The following SH3RF3 variants were observed in gnomAD, a reference collection of about 807,000 sequenced individuals.
SH3RF3 encodes the protein E3 ubiquitin-protein ligase SH3RF3.
In SH3RF3, 29 loss-of-function variants were observed where a neutral mutation model predicts 66.3. The observed-to-expected ratio is 0.44, with a 90% CI of 0.33 to 0.60. The LOEUF (loss-of-function observed/expected upper bound fraction) is 0.60, where lower values mean the gene tolerates loss of function less well. Among genes scored for constraint, SH3RF3 ranks in the 20% least tolerant of loss-of-function variants. SH3RF3 has a pLI of 0.04. For synonymous variants in SH3RF3, 583 were observed against 532.0 expected (o/e 1.10, Z -1.32); for missense variants, 1,194 against 1,190.9 (o/e 1.00, Z -0.04).
rs1679457682 is a variant in SH3RF3, at chr2:109,503,792, A to T, written c.*2121A>T. On this transcript the variant is annotated 3_prime_UTR_variant, in exon 10 of 10. Transcript: ENST00000309415. ...AGAATAGAGTAACCTGAACGTTCTT[A>T]CTCTCCCAGGCATGGCCCACGTGGT... 1 of 151,914 alleles carries T rather than the reference A, an allele frequency of 6.6e-6. No individual in the cohort carries two copies. The highest frequency in any genetic ancestry group is 1.5e-5 in the Non-Finnish European group (1 of 68,004). The allele number at this position is 151,914 out of a possible 1,614,324, so 9.4% of individuals were successfully genotyped here.
intron 1 of SH3RF3, among the ~76,000 whole-genome samples, chr2:109,159,864 G>T (rs887524914): frequency 6.6e-6 from 1 of 152,218 alleles, no homozygotes; most frequent in South Asian, 2.1e-4. Context: ...ACCCTCAGAT[G>T]AGACTGTCTA....
At chr2:109,155,913 C>A (rs1246086318) in intron 1 of SH3RF3, among the ~76,000 whole-genome samples, 4 of 152,188 alleles carry the variant, frequency 2.6e-5, no homozygotes, top group African/African-American at 9.7e-5. Flanking sequence ...GTAACAAGTG[C>A]TGTATTGGAT....
At chr2:109,327,484 C>G (rs542624446) in intron 1 of SH3RF3, among the ~76,000 whole-genome samples, 1 of 149,248 alleles carries the variant, frequency 6.7e-6, no homozygotes, top group East Asian at 1.9e-4. Context: ...CATTTTAAAT[C>G]AATTTGTCAA....
intron 9 of SH3RF3, among the ~76,000 whole-genome samples, chr2:109,500,355 C>A (rs1008920924): frequency 2.6e-5 from 4 of 152,158 alleles, no homozygotes; most frequent in African/African-American, 9.7e-5. Context: ...CAGAGAGCCC[C>A]TGGGGTGCAC....
intron 1 of SH3RF3, among the ~76,000 whole-genome samples, chr2:109,263,694 C>T (rs562076500): frequency 2.0e-5 from 3 of 152,246 alleles, no homozygotes; most frequent in South Asian, 4.1e-4. Flanking sequence ...AGGCCGGGTG[C>T]GGTGGCTCAC....
At chr2:109,450,416 G>T (rs549747300) in intron 8 of SH3RF3, among the ~76,000 whole-genome samples, 8 of 151,960 alleles carry the variant, frequency 5.3e-5, no homozygotes, top group Non-Finnish European at 8.8e-5. Context: ...CCTGCTAGAC[G>T]TTAGATTAAC....
intron 1 of SH3RF3, among the ~76,000 whole-genome samples, chr2:109,186,949 G>A (rs988081597): frequency 6.6e-6 from 1 of 152,186 alleles, no homozygotes; most frequent in Non-Finnish European, 1.5e-5. Context: ...AAGTGTAGAA[G>A]CCATGATGCT....
chr2:109,312,529 G>C (rs7569873), intron 1 of SH3RF3, among the ~76,000 whole-genome samples: 47,447 of 151,668 alleles, frequency 0.31, 9,185 homozygotes, highest in African/African-American at 0.55. Flanking sequence ...CAGCCACCCC[G>C]CTGGGCCCCT....
intron 6 of SH3RF3, among the ~76,000 whole-genome samples, chr2:109,433,774 G>C (rs1004369678): frequency 1.3e-5 from 2 of 152,188 alleles, no homozygotes; most frequent in African/African-American, 4.8e-5. Flanking sequence ...CCCAAAGCCT[G>C]AAAGGTCTGC....
chr2:109,394,183 G>T (rs150396240), intron 3 of SH3RF3, among the ~76,000 whole-genome samples: 1 of 152,232 alleles, frequency 6.6e-6, no homozygotes, highest in Non-Finnish European at 1.5e-5. Flanking sequence ...CAGTTCTGTG[G>T]TTGGAAAGTG....
intron 3 of SH3RF3, among the ~76,000 whole-genome samples, chr2:109,398,330 G>A (rs559818501): frequency 7.9e-5 from 12 of 152,284 alleles, no homozygotes; most frequent in South Asian, 4.1e-4. Flanking sequence ...GGGCGACAAG[G>A]TAGTGGCCCT....
intron 1 of SH3RF3, among the ~76,000 whole-genome samples, chr2:109,218,850 C>A (rs949896165): frequency 5.3e-5 from 8 of 152,216 alleles, no homozygotes; most frequent in African/African-American, 1.9e-4. Context: ...CACACACAAA[C>A]ACACAAACCC....
At chr2:109,299,916 C>T (rs911285081) in intron 1 of SH3RF3, among the ~76,000 whole-genome samples, 5 of 152,184 alleles carry the variant, frequency 3.3e-5, no homozygotes, top group African/African-American at 1.2e-4. Flanking sequence ...GTAGGATGTG[C>T]AGAGCCAGCT....
intron 3 of SH3RF3, among the ~76,000 whole-genome samples, chr2:109,382,280 C>CA (rs1559053233): frequency 6.6e-6 from 1 of 152,150 alleles, no homozygotes; most frequent in Non-Finnish European, 1.5e-5. Flanking sequence ...GCTGAAGGGA[C>CA]ATCTGTTTTG....
chr2:109,497,089 G>A (rs989109169), intron 9 of SH3RF3, among the ~76,000 whole-genome samples: 4 of 152,212 alleles, frequency 2.6e-5, no homozygotes, highest in African/African-American at 7.2e-5. Context: ...GTGAGACCAC[G>A]TTGGAGTTCT....
At chr2:109,351,514 T>G (rs1682836878) in intron 2 of SH3RF3, among the ~76,000 whole-genome samples, 2 of 152,150 alleles carry the variant, frequency 1.3e-5, no homozygotes, top group Non-Finnish European at 2.9e-5. Context: ...TCGGCAAGGG[T>G]TTATTGAACC....
At chr2:109,297,092 G>A (rs574131385) in intron 1 of SH3RF3, among the ~76,000 whole-genome samples, 5 of 152,154 alleles carry the variant, frequency 3.3e-5, no homozygotes, top group East Asian at 1.9e-4. Context: ...GGGGGTGACC[G>A]GGATGGGAAG....
At chr2:109,203,716 C>T (rs1449536086) in intron 1 of SH3RF3, among the ~76,000 whole-genome samples, 1 of 152,216 alleles carries the variant, frequency 6.6e-6, no homozygotes, top group Non-Finnish European at 1.5e-5. Flanking sequence ...GGAGCCCCAT[C>T]TTCTCTCCAT....
At chr2:109,236,446 G>T (rs1176433892) in intron 1 of SH3RF3, among the ~76,000 whole-genome samples, 1 of 152,214 alleles carries the variant, frequency 6.6e-6, no homozygotes, top group Non-Finnish European at 1.5e-5. Flanking sequence ...TTCACCTTGA[G>T]CACACAGCTG....
Sources: gnomAD v4.1 joint callset for allele counts (sites outside exome capture counted in the v4.1 genomes callset) on GRCh38, gnomAD v4.1.1 for gene constraint, MANE v1.5 for transcripts, NCBI Gene and HGNC (gene_info 2026-07-23, HGNC 2026-07-21) for gene names.